Variants in MYRIP observed in about 807,000 individuals in gnomAD.
The protein encoded by MYRIP is rab effector MyRIP.
MYRIP carries 49 observed loss-of-function variants against 98.0 expected under a neutral mutation model. That is an observed-to-expected ratio of 0.50 (90% CI 0.40 to 0.63). The LOEUF (loss-of-function observed/expected upper bound fraction) is 0.63, where lower values mean the gene tolerates loss of function less well. Among genes scored for constraint, MYRIP ranks in the 30% least tolerant of loss-of-function variants. MYRIP has a pLI of 0.00. For missense variants in MYRIP, 1,004 were observed against 1,058.2 expected (o/e 0.95, Z 0.71); for synonymous variants, 404 against 409.5 (o/e 0.99, Z 0.16).
intron 4 of MYRIP, among the ~76,000 whole-genome samples, chr3:40,162,153 T>C (rs560631297): frequency 2.0e-5 from 3 of 152,268 alleles, no homozygotes; most frequent in African/African-American, 7.2e-5. Flanking sequence ...CACTGTGCTG[T>C]GAACCATCCC....
intron 11 of MYRIP, among the ~76,000 whole-genome samples, chr3:40,224,901 G>A (rs560616757): frequency 6.6e-6 from 1 of 152,344 alleles, no homozygotes; most frequent in South Asian, 2.1e-4. Flanking sequence ...TCAGGGACAT[G>A]AGTCTGTTCA....
At chr3:40,091,108 C>A (rs1948729529) in intron 3 of MYRIP, among the ~76,000 whole-genome samples, 1 of 152,238 alleles carries the variant, frequency 6.6e-6, no homozygotes, top group African/African-American at 2.4e-5. Context: ...TCTGTGTTCA[C>A]CACTCCTTTG....
chr3:39,941,610 T>C (rs544279848), intron 2 of MYRIP, among the ~76,000 whole-genome samples: 2 of 152,140 alleles, frequency 1.3e-5, no homozygotes, highest in Admixed American at 1.3e-4. Flanking sequence ...CTTAACATTA[T>C]ATTAAACAGT....
intron 4 of MYRIP, among the ~76,000 whole-genome samples, chr3:40,161,029 C>T (rs1316282099): frequency 6.6e-6 from 1 of 152,152 alleles, no homozygotes; most frequent in African/African-American, 2.4e-5. Context: ...GCTCCTCCCT[C>T]CCCTCTATAT....
intron 3 of MYRIP, among the ~76,000 whole-genome samples, chr3:40,101,852 C>T (rs1948951816): frequency 6.6e-6 from 1 of 152,156 alleles, no homozygotes. Flanking sequence ...TCAAGAATCC[C>T]ATGACCCAGG....
At chr3:40,022,549 G>A (rs968586555) in intron 2 of MYRIP, among the ~76,000 whole-genome samples, 2 of 152,254 alleles carry the variant, frequency 1.3e-5, no homozygotes, top group Non-Finnish European at 2.9e-5. Flanking sequence ...ATTCATGGAG[G>A]CATTGTTTTT....
chr3:39,895,538 T>C (rs1307030292), intron 1 of MYRIP, among the ~76,000 whole-genome samples: 1 of 152,082 alleles, frequency 6.6e-6, no homozygotes, highest in African/African-American at 2.4e-5. Context: ...TTTTTCGCTA[T>C]GTGAAACTTT....
At chr3:40,143,378 A>C (rs527473606) in intron 3 of MYRIP, among the ~76,000 whole-genome samples, 47 of 152,318 alleles carry the variant, frequency 3.1e-4, no homozygotes, top group Admixed American at 3.0e-3. Flanking sequence ...AGGGAGCAGT[A>C]CACTTAGCCA....
chr3:40,164,200 C>A (rs547822528), intron 5 of MYRIP, among the ~76,000 whole-genome samples: 1 of 152,302 alleles, frequency 6.6e-6, no homozygotes, highest in Non-Finnish European at 1.5e-5. Flanking sequence ...TTCAATCTTA[C>A]ACTTTTCTTT....
At chr3:39,932,643 C>A (rs1944567762) in intron 2 of MYRIP, among the ~76,000 whole-genome samples, 1 of 152,148 alleles carries the variant, frequency 6.6e-6, no homozygotes, top group Admixed American at 6.5e-5. Flanking sequence ...CCTTGGCCTC[C>A]CAACACAAGA....
intron 2 of MYRIP, among the ~76,000 whole-genome samples, chr3:39,931,704 C>A (rs986328594): frequency 6.6e-6 from 1 of 151,958 alleles, no homozygotes; most frequent in Non-Finnish European, 1.5e-5. Flanking sequence ...TTAGTTTGTG[C>A]TTTTATTTTG....
chr3:40,213,580 C>T (rs1952027397), intron 11 of MYRIP, among the ~76,000 whole-genome samples: 1 of 149,974 alleles, frequency 6.7e-6, no homozygotes, highest in African/African-American at 2.5e-5. Flanking sequence ...CTGTGATGTC[C>T]CCATGACCCC....
Position 39,900,865 on chromosome 3 carries a change from C to T in MYRIP, c.49C>T (p.His17Tyr), listed in dbSNP as rs1943723464. The change falls in exon 2 of 17, where the codon CAT becomes TAT. Residue 17 changes from histidine (H) to tyrosine (Y), a missense_variant. His to Tyr is a moderately conservative substitution (Grantham distance 83). This residue lies in a region of MYRIP where 880 missense variants were observed against 907.7 expected (regional missense o/e 0.97). Coordinates refer to ENST00000302541, the MANE Select transcript of MYRIP (RefSeq NM_015460.4). ...TGGTTTGACTGATGATGAAACAGAG[C>T]ATGTTCTTCAGGTGGTTCAAAGAGA... ...LSGLTDDETE[H>Y]VLQVVQRDFN... 1.2e-6 allele frequency: 2 copies of T among 1,613,702 alleles called. No homozygotes were observed. Among genetic ancestry groups the T allele is most frequent in the African/African-American group, 2.7e-5 (2 of 74,898 alleles).
At chr3:39,932,741 A>G (rs901551514) in intron 2 of MYRIP, among the ~76,000 whole-genome samples, 33 of 152,084 alleles carry the variant, frequency 2.2e-4, no homozygotes, top group Non-Finnish European at 3.8e-4. Flanking sequence ...AAGAATTTTG[A>G]GAGTTCATTG....
At chr3:39,960,553 A>G (rs1310031475) in intron 2 of MYRIP, among the ~76,000 whole-genome samples, 1 of 152,174 alleles carries the variant, frequency 6.6e-6, no homozygotes, top group Non-Finnish European at 1.5e-5. Context: ...ACTCTAAAGA[A>G]TTGATTCAGC....
chr3:39,931,847 T>C (rs2034957), intron 2 of MYRIP, among the ~76,000 whole-genome samples: 100,455 of 152,100 alleles, frequency 0.66, 35,083 homozygotes, highest in African/African-American at 0.9. Context: ...TTGCATTCCT[T>C]GAATAAATCC....
intron 3 of MYRIP, among the ~76,000 whole-genome samples, chr3:40,090,381 G>T (rs1948718518): frequency 6.6e-6 from 1 of 152,136 alleles, no homozygotes; most frequent in Non-Finnish European, 1.5e-5. Context: ...AAGACAGTTG[G>T]GGAAAAGAGG....
chr3:39,865,871 A>C (rs934585758), intron 1 of MYRIP, among the ~76,000 whole-genome samples: 1 of 152,190 alleles, frequency 6.6e-6, no homozygotes, highest in Admixed American at 6.5e-5. Flanking sequence ...ACGTACAGGC[A>C]TATGTTCATT....
At chr3:40,185,779 C>G (rs1169616759) in intron 9 of MYRIP, among the ~76,000 whole-genome samples, 2 of 152,078 alleles carry the variant, frequency 1.3e-5, no homozygotes, top group African/African-American at 2.4e-5. Flanking sequence ...AGAGCCAGCC[C>G]TGAGTGGCAT....
Sources: gnomAD v4.1 joint callset for allele counts (sites outside exome capture counted in the v4.1 genomes callset) on GRCh38, gnomAD v4.1.1 for gene constraint, gnomAD v4.1.1 regional missense constraint, MANE v1.5 for transcripts, NCBI Gene and HGNC (gene_info 2026-07-23, HGNC 2026-07-21) for gene names.